NRG1: variants seen among roughly 807,000 people sequenced by gnomAD.
NRG1 encodes the protein neuregulin 1.
Under a neutral mutation model 63.8 loss-of-function variants are expected in NRG1, and 18 were observed. That is an observed-to-expected ratio of 0.28 (90% CI 0.19 to 0.42). NRG1 has a LOEUF of 0.42. Ranked by LOEUF, NRG1 falls within the 10% of genes least tolerant of loss-of-function variation. The probability of loss-of-function intolerance (pLI) is 1.00; values close to 1 mark genes in which losing one functional copy is unlikely to be tolerated. For synonymous variants in NRG1, 302 were observed against 301.3 expected, an observed-to-expected ratio of 1.00 and a Z score of -0.02; for missense variants, 762 against 814.7, an observed-to-expected ratio of 0.94 and a Z score of 0.79.
intron 1 of NRG1, among the ~76,000 whole-genome samples, chr8:32,274,779 T>G (rs906789095): frequency 6.6e-6 from 1 of 152,198 alleles, no homozygotes; most frequent in Non-Finnish European, 1.5e-5. Context: ...TTCTGCTATT[T>G]TAATTTTTTT....
intron 1 of NRG1, among the ~76,000 whole-genome samples, chr8:32,177,668 T>C (rs116223097): frequency 0.013 from 1,924 of 151,990 alleles, 51 homozygotes; most frequent in African/African-American, 0.044. Context: ...CCTATGTTAG[T>C]TTGCTGCGGA....
intron 1 of NRG1, among the ~76,000 whole-genome samples, chr8:31,819,761 A>G (rs1823825129): frequency 6.6e-6 from 1 of 152,202 alleles, no homozygotes; most frequent in Non-Finnish European, 1.5e-5. Flanking sequence ...TTGACATGGA[A>G]CTATTCAACA....
At chr8:31,860,522 A>G (rs547909928) in intron 1 of NRG1, among the ~76,000 whole-genome samples, 7 of 152,196 alleles carry the variant, frequency 4.6e-5, no homozygotes, top group African/African-American at 1.2e-4. Flanking sequence ...TTTGCCCATT[A>G]TTTTTTTGCA....
upstream of NRG1, among the ~76,000 whole-genome samples, chr8:32,545,745 G>T (rs538826283): frequency 1.3e-5 from 2 of 151,968 alleles, no homozygotes; most frequent in South Asian, 4.1e-4. Context: ...AAGACCTAAC[G>T]ATTTTTAGAA....
intron 1 of NRG1, among the ~76,000 whole-genome samples, chr8:31,762,591 T>G (rs972741118): frequency 1.7e-4 from 26 of 152,338 alleles, no homozygotes; most frequent in Admixed American, 1.7e-3. Context: ...AAATGGTATT[T>G]CTGGTTCTAG....
chr8:32,409,880 C>T (rs1814641657), intron 1 of NRG1, among the ~76,000 whole-genome samples: 1 of 152,154 alleles, frequency 6.6e-6, no homozygotes, highest in African/African-American at 2.4e-5. Context: ...TGCTCCGCAA[C>T]CTTGCTGATG....
At chr8:32,225,700 C>T (rs1478151095) in intron 1 of NRG1, among the ~76,000 whole-genome samples, 2 of 152,044 alleles carry the variant, frequency 1.3e-5, no homozygotes, top group Non-Finnish European at 2.9e-5. Flanking sequence ...AAACATCTTC[C>T]GTAATAAGCA....
chr8:32,543,707 AAAACAT>A (rs1189458956), upstream of NRG1, among the ~76,000 whole-genome samples: 3 of 152,216 alleles, frequency 2.0e-5, no homozygotes, highest in Non-Finnish European at 2.9e-5. Flanking sequence ...CACAAGCAGA[AAAACAT>A]AAACATAGAT....
At position 31,798,796 on chromosome 8, in the gene NRG1, A is replaced by C. The variant is rs1186937090; in HGVS notation, c.37+159365A>C. Among the ~76,000 whole-genome samples, 2 of 152,146 alleles carry C rather than the reference A, an allele frequency of 1.3e-5. 1 individual carries two copies. Among genetic ancestry groups the C allele is most frequent in the Admixed American group, 1.3e-4 (2 of 15,274 alleles). ...GTCAGGATTGAGAATCCAGACACAG[A>C]TGGCTCTGACATCAGAATCACTGCT... On this transcript the variant is annotated intron_variant, in intron 1 of 10. Transcript: ENST00000519301.
chr8:32,178,484 C>G (rs984367744), intron 1 of NRG1, among the ~76,000 whole-genome samples: 1 of 152,146 alleles, frequency 6.6e-6, no homozygotes, highest in Non-Finnish European at 1.5e-5. Flanking sequence ...GTGGTGCAAG[C>G]CTGTAATCCC....
chr8:31,973,873 A>G (rs991018076), intron 1 of NRG1, among the ~76,000 whole-genome samples: 6 of 152,290 alleles, frequency 3.9e-5, no homozygotes, highest in Non-Finnish European at 8.8e-5. Context: ...AATAAAAGAG[A>G]GAACTTAGTA....
At chr8:32,172,192 A>G (rs1037477794) in intron 1 of NRG1, among the ~76,000 whole-genome samples, 1 of 152,184 alleles carries the variant, frequency 6.6e-6, no homozygotes, top group African/African-American at 2.4e-5. Context: ...GCTCACCAGT[A>G]TCTGCTGTTC....
intron 1 of NRG1, among the ~76,000 whole-genome samples, chr8:32,075,056 TGTG>T (rs1014794679): frequency 1.3e-5 from 2 of 152,198 alleles, no homozygotes; most frequent in African/African-American, 4.8e-5. Context: ...CAGCTTACCT[TGTG>T]GGGTTGTTGT....
chr8:31,681,253 A>G (rs565967615), intron 1 of NRG1, among the ~76,000 whole-genome samples: 2 of 152,300 alleles, frequency 1.3e-5, no homozygotes, highest in South Asian at 2.1e-4. Context: ...AATTTTAAAA[A>G]CAAGATACAA....
chr8:32,559,245 TAAAAA>T (rs545838945), intron 1 of NRG1, among the ~76,000 whole-genome samples: 2 of 96,770 alleles, frequency 2.1e-5, no homozygotes, highest in East Asian at 3.7e-4. Context: ...CTCTAAAATG[TAAAAA>T]AAAAAAAAAA....
intron 1 of NRG1, among the ~76,000 whole-genome samples, chr8:32,089,860 T>A (rs962472863): frequency 2.0e-4 from 30 of 152,238 alleles, no homozygotes; most frequent in African/African-American, 4.6e-4. Flanking sequence ...ATTTTCATAA[T>A]ACTTTTTGAG....
intron 1 of NRG1, among the ~76,000 whole-genome samples, chr8:32,295,940 GAAAAAA>G (rs536209588): frequency 7.8e-6 from 1 of 128,106 alleles, no homozygotes; most frequent in Non-Finnish European, 1.6e-5. Context: ...AGGTCTCAAG[GAAAAAA>G]AAAAAAAAAA....
chr8:31,856,125 C>T (rs1000841401), intron 1 of NRG1, among the ~76,000 whole-genome samples: 4 of 151,932 alleles, frequency 2.6e-5, no homozygotes, highest in South Asian at 2.1e-4. Context: ...ATCTTTGTGG[C>T]GTTCTCTGTA....
intron 1 of NRG1, among the ~76,000 whole-genome samples, chr8:32,557,298 C>T (rs566865973): frequency 1.6e-4 from 25 of 152,174 alleles, no homozygotes; most frequent in African/African-American, 5.1e-4. Flanking sequence ...TGAGCCACTG[C>T]GCCCAGCAAG....
Sources: gnomAD v4.1 joint callset for allele counts (sites outside exome capture counted in the v4.1 genomes callset) on GRCh38, gnomAD v4.1.1 for gene constraint, MANE v1.5 for transcripts, NCBI Gene and HGNC (gene_info 2026-07-23, HGNC 2026-07-21) for gene names.